NAV3: variants seen among roughly 807,000 people sequenced by gnomAD.
The protein encoded by NAV3 is neuron navigator 3.
A neutral mutation model predicts 244.7 loss-of-function variants in NAV3; 87 were observed. The ratio of observed to expected loss-of-function variants is 0.36; its 90% CI spans 0.30 to 0.42. NAV3 has a LOEUF of 0.42. Among genes scored for constraint, NAV3 ranks in the 20% least tolerant of loss-of-function variants. The pLI is 1.00. For synonymous variants in NAV3, 1,126 were observed against 1,042.2 expected, an observed-to-expected ratio of 1.08 and a Z score of -1.55; for missense variants, 2,663 against 2,893.3, an observed-to-expected ratio of 0.92 and a Z score of 1.83.
At position 78,017,295 on chromosome 12, in the gene NAV3, G is replaced by A. The variant is rs148827196; in HGVS notation, c.1908-4452G>A. Among the ~76,000 whole-genome samples the A allele has an allele frequency of 7.6e-3, 1,158 of 152,098 alleles. 7 individuals are homozygous for A. The highest frequency in any genetic ancestry group is 0.013 in the Non-Finnish European group (875 of 67,978). ...ACTCTCAGTAACAGATGAAGGACCT[G>A]GCTTATTAGAATTCTAAATAAATTA... On this transcript the variant is annotated intron_variant, in intron 8 of 39. Transcript: ENST00000397909.
At chr12:77,870,464 C>T (rs1413980155) in intron 1 of NAV3, among the ~76,000 whole-genome samples, 6 of 151,620 alleles carry the variant, frequency 4.0e-5, no homozygotes, top group Admixed American at 1.3e-4. Context: ...AAGAGATTGA[C>T]GTATCCAGAA....
chr12:77,807,989 T>C (rs746575076), intron 2 of NAV3, among the ~76,000 whole-genome samples: 3 of 152,184 alleles, frequency 2.0e-5, no homozygotes, highest in Non-Finnish European at 4.4e-5. Flanking sequence ...ATGTATATGC[T>C]TCAGGAAGTT....
At chr12:77,592,380 G>A (rs1869946034) in intron 2 of NAV3, among the ~76,000 whole-genome samples, 1 of 152,122 alleles carries the variant, frequency 6.6e-6, no homozygotes, top group African/African-American at 2.4e-5. Flanking sequence ...GGGGACATTT[G>A]GAACAAAGTT....
At chr12:77,648,354 C>G (rs1451211811) in intron 2 of NAV3, among the ~76,000 whole-genome samples, 15 of 151,904 alleles carry the variant, frequency 9.9e-5, no homozygotes, top group Admixed American at 9.8e-4. Flanking sequence ...ATTAGTTGGG[C>G]TCTTGGTTGG....
At chr12:78,111,487 A>G (rs919182271) in intron 12 of NAV3, among the ~76,000 whole-genome samples, 2 of 152,192 alleles carry the variant, frequency 1.3e-5, no homozygotes, top group African/African-American at 4.8e-5. Flanking sequence ...AAATATATTC[A>G]AATTTCCAAT....
At chr12:78,142,390 G>A (rs542393335) in intron 20 of NAV3, among the ~76,000 whole-genome samples, 2 of 151,982 alleles carry the variant, frequency 1.3e-5, no homozygotes, top group Non-Finnish European at 2.9e-5. Context: ...ATCTAATATA[G>A]TAACTATGAA....
At chr12:77,910,183 C>T (rs889133974) in intron 1 of NAV3, among the ~76,000 whole-genome samples, 1 of 151,960 alleles carries the variant, frequency 6.6e-6, no homozygotes, top group Non-Finnish European at 1.5e-5. Context: ...TATTTTGGCT[C>T]ACAGTTCTGT....
chr12:77,944,681 T>C (rs1890167653), intron 3 of NAV3, among the ~76,000 whole-genome samples: 1 of 152,014 alleles, frequency 6.6e-6, no homozygotes, highest in Non-Finnish European at 1.5e-5. Flanking sequence ...TTACAGGAGG[T>C]CTGCATGAAG....
At chr12:77,610,067 C>T (rs1870844973) in intron 2 of NAV3, among the ~76,000 whole-genome samples, 1 of 151,948 alleles carries the variant, frequency 6.6e-6, no homozygotes, top group Non-Finnish European at 1.5e-5. Context: ...CCTTACATTT[C>T]CTTTTTCAAT....
At chr12:77,612,366 G>T (rs747740585) in intron 2 of NAV3, among the ~76,000 whole-genome samples, 35 of 152,280 alleles carry the variant, frequency 2.3e-4, no homozygotes, top group Non-Finnish European at 4.6e-4. Flanking sequence ...GGATAAATCT[G>T]TAATTTCCAG....
intron 2 of NAV3, among the ~76,000 whole-genome samples, chr12:77,808,314 T>C (rs1872092445): frequency 6.6e-6 from 1 of 152,230 alleles, no homozygotes; most frequent in Non-Finnish European, 1.5e-5. Flanking sequence ...TTCGTGGATT[T>C]ATCTACCTTC....
intron 2 of NAV3, among the ~76,000 whole-genome samples, chr12:77,642,063 C>G (rs545310672): frequency 1.3e-5 from 2 of 152,096 alleles, no homozygotes; most frequent in African/African-American, 4.8e-5. Context: ...TTCTTCAGAG[C>G]TATGTATAGA....
At chr12:77,984,910 G>A (rs1870215326) in intron 5 of NAV3, among the ~76,000 whole-genome samples, 1 of 151,980 alleles carries the variant, frequency 6.6e-6, no homozygotes, top group East Asian at 1.9e-4. Context: ...CCCACCTCCT[G>A]GGTTCAAGCG....
chr12:78,064,325 C>T (rs1884698848), intron 12 of NAV3, among the ~76,000 whole-genome samples: 1 of 152,004 alleles, frequency 6.6e-6, no homozygotes, highest in Non-Finnish European at 1.5e-5. Context: ...TCCTGACTTC[C>T]AGAGAGTGGG....
chr12:78,118,359 C>T lies in NAV3; in HGVS notation c.3040+62C>T, dbSNP rs571476186. Reference sequence around the variant, plus strand: ...CTTTACTTTATTGTTTCCATTCAATCTTTGTTTTCTCTAACAATAGCATTT... The same window carrying T: ...CTTTACTTTATTGTTTCCATTCAATTTTTGTTTTCTCTAACAATAGCATTT... On this transcript the variant is annotated intron_variant, in intron 14 of 39. Transcript: ENST00000397909. The T allele has an allele frequency of 6.6e-6, 10 of 1,519,662 alleles. No individual in the cohort carries two copies. The African/African-American group carries it at 1.4e-4, about 21-fold the overall frequency. The allele number at this position is 1,519,662 out of a possible 1,614,324, so 94.1% of individuals were successfully genotyped here. A position where few individuals can be genotyped will look rare whatever the true frequency, so the allele number is the denominator to read the frequency against.
intron 2 of NAV3, among the ~76,000 whole-genome samples, chr12:77,689,064 T>A (rs1338106221): frequency 6.6e-6 from 1 of 151,874 alleles, no homozygotes; most frequent in Non-Finnish European, 1.5e-5. Flanking sequence ...AAGGAAGTGA[T>A]GGGGTTGAGT....
Position 77,816,478 on chromosome 12 carries a change from T to C in NAV3, c.73-123841T>C, listed in dbSNP as rs1376460280. On this transcript the variant is annotated intron_variant, in intron 2 of 8. Coordinates refer to the NAV3 transcript ENST00000550042. The stretch of plus-strand genomic sequence containing the variant: ...CCTTTGAGTTAATTATTAAGTACTA[T>C]CCAGAAGTTCTTTATCCAATGCAAG... Among the ~76,000 whole-genome samples the C allele has an allele frequency of 3.3e-5, 5 of 152,198 alleles. No homozygotes were observed. In the South Asian group the frequency reaches 6.2e-4, roughly 19 times the overall value.
intron 1 of NAV3, among the ~76,000 whole-genome samples, chr12:77,895,739 T>A (rs1365319886): frequency 7.1e-5 from 3 of 42,274 alleles, no homozygotes; most frequent in Admixed American, 2.5e-4. Flanking sequence ...TACCCTCTTG[T>A]TTTTTTTTTT....
At chr12:78,170,596 C>A (rs1957960717) in intron 24 of NAV3, among the ~76,000 whole-genome samples, 1 of 151,732 alleles carries the variant, frequency 6.6e-6, no homozygotes. Context: ...CTCTCTTCAC[C>A]AGCTTCATTT....
Sources: gnomAD v4.1 joint callset for allele counts (sites outside exome capture counted in the v4.1 genomes callset) on GRCh38, gnomAD v4.1.1 for gene constraint, MANE v1.5 for transcripts, NCBI Gene and HGNC (gene_info 2026-07-23, HGNC 2026-07-21) for gene names.